The following DYM variants were observed in gnomAD, a reference collection of about 807,000 sequenced individuals.
DYM encodes dyggve-Melchior-Clausen syndrome protein.
DYM carries 78 observed loss-of-function variants against 93.1 expected under a neutral mutation model. The observed-to-expected ratio is 0.84, with a 90% CI of 0.70 to 1.01. The LOEUF (loss-of-function observed/expected upper bound fraction) is 1.01. Among genes scored for constraint, DYM ranks in the 50% least tolerant of loss-of-function variants. The pLI is 0.00. For missense variants in DYM, 789 were observed against 845.0 expected (o/e 0.93, Z 0.82); for synonymous variants, 321 against 319.7 (o/e 1.00, Z -0.04).
chr18:49,310,996 T>C (rs1555686987), intron 8 of DYM, among the ~76,000 whole-genome samples: 1 of 152,194 alleles, frequency 6.6e-6, no homozygotes, highest in Non-Finnish European at 1.5e-5. Context: ...AAATGATGAA[T>C]TAAGTATTTT....
chr18:49,354,663 C>T (rs993025125), intron 6 of DYM, among the ~76,000 whole-genome samples: 4 of 152,044 alleles, frequency 2.6e-5, no homozygotes, highest in African/African-American at 7.2e-5. Flanking sequence ...ACAGATGGCA[C>T]AAGCATATGA....
intron 15 of DYM, among the ~76,000 whole-genome samples, chr18:49,140,857 T>A (rs2084407184): frequency 6.6e-6 from 1 of 152,246 alleles, no homozygotes; most frequent in Non-Finnish European, 1.5e-5. Flanking sequence ...TAGCTACTTG[T>A]CAGTTTATAC....
chr18:49,103,473 A>C (rs1166434161), intron 16 of DYM, among the ~76,000 whole-genome samples: 1 of 152,216 alleles, frequency 6.6e-6, no homozygotes, highest in African/African-American at 2.4e-5. Flanking sequence ...TGTTTTAGAC[A>C]TGAAGTCCTT....
intron 16 of DYM, among the ~76,000 whole-genome samples, chr18:49,115,821 C>T (rs556913169): frequency 6.6e-6 from 1 of 152,174 alleles, no homozygotes; most frequent in African/African-American, 2.4e-5. Flanking sequence ...AGTCTCAAGA[C>T]TATAAAAGGC....
intron 8 of DYM, among the ~76,000 whole-genome samples, chr18:49,304,840 G>C (rs1202846853): frequency 1.3e-5 from 2 of 152,046 alleles, no homozygotes; most frequent in Admixed American, 1.3e-4. Flanking sequence ...CTACGTCCCT[G>C]CAGACAAGGC....
At chr18:49,447,629 C>G (rs750532402) in intron 1 of DYM, among the ~76,000 whole-genome samples, 31 of 152,008 alleles carry the variant, frequency 2.0e-4, no homozygotes, top group Non-Finnish European at 3.5e-4. Context: ...GGCGCTACCC[C>G]CTGGTGTTAT....
chr18:49,125,687 T>A (rs1400341817), intron 15 of DYM, among the ~76,000 whole-genome samples: 1 of 152,174 alleles, frequency 6.6e-6, no homozygotes, highest in African/African-American at 2.4e-5. Context: ...TAAAACACCC[T>A]CAGAAGATAC....
chr18:49,153,950 T>C (rs1600185663), intron 15 of DYM, among the ~76,000 whole-genome samples: 1 of 152,218 alleles, frequency 6.6e-6, no homozygotes, highest in Admixed American at 6.5e-5. Context: ...AACCCTGGCA[T>C]ACCTCACCTT....
chr18:49,313,964 A>C (rs1470764628), intron 8 of DYM, among the ~76,000 whole-genome samples: 1 of 152,110 alleles, frequency 6.6e-6, no homozygotes, highest in Non-Finnish European at 1.5e-5. Context: ...ATCACATGAA[A>C]AAAACACAAG....
chr18:49,279,475 A>C (rs1180278448), intron 10 of DYM, among the ~76,000 whole-genome samples: 3 of 152,234 alleles, frequency 2.0e-5, no homozygotes, highest in Non-Finnish European at 4.4e-5. Context: ...GTAAAAGGAC[A>C]GATGGAGCAT....
intron 16 of DYM, among the ~76,000 whole-genome samples, chr18:49,104,766 G>A (rs1206884377): frequency 6.6e-6 from 1 of 152,238 alleles, no homozygotes; most frequent in Non-Finnish European, 1.5e-5. Flanking sequence ...AAGCCCACTT[G>A]ATCATGGTGG....
At chr18:49,102,584 A>T (rs2080284849) in intron 16 of DYM, among the ~76,000 whole-genome samples, 1 of 151,986 alleles carries the variant, frequency 6.6e-6, no homozygotes, top group Admixed American at 6.5e-5. Flanking sequence ...ACCCCACAAC[A>T]GGCCCCAGTG....
chr18:49,081,199 T>G (rs1393115897), intron 17 of DYM, among the ~76,000 whole-genome samples: 1 of 149,938 alleles, frequency 6.7e-6, no homozygotes, highest in Non-Finnish European at 1.5e-5. Flanking sequence ...GCCAGTGCAC[T>G]CCAGCCTGGG....
intron 13 of DYM, among the ~76,000 whole-genome samples, chr18:49,221,295 T>G (rs36136838): frequency 0.077 from 11,616 of 151,594 alleles, 711 homozygotes; most frequent in East Asian, 0.3. Context: ...GGAACACTTT[T>G]ACACTGTTGG....
chr18:49,459,248 C>T (rs1430271426), intron 1 of DYM, among the ~76,000 whole-genome samples: 1 of 152,164 alleles, frequency 6.6e-6, no homozygotes, highest in Non-Finnish European at 1.5e-5. Context: ...AGTTTATGAG[C>T]TTAAGGCAGA....
At position 49,282,141 on chromosome 18, in the gene DYM, G is replaced by A. The variant is rs1157254595; in HGVS notation, c.981C>T (p.Ala327=). Residue 327 remains alanine (A), a synonymous_variant, in exon 10 of 18, where the codon GCC becomes GCT. Transcript: ENST00000675505. Reference sequence around the variant, plus strand: ...ACAAACTATTAAAGTTGATCTGGAAGGCATGTGGAATTGATGAGGGGAAAG... The same window carrying A: ...ACAAACTATTAAAGTTGATCTGGAAAGCATGTGGAATTGATGAGGGGAAAG... ...SSPFPSSIPH[A]FQINFNSLYT... 6.2e-7 allele frequency: 1 copy of A among 1,613,928 alleles called. No individual in the cohort carries two copies. Among genetic ancestry groups the A allele is most frequent in the South Asian group, 1.1e-5 (1 of 91,078 alleles).
intron 17 of DYM, among the ~76,000 whole-genome samples, chr18:49,092,914 C>T (rs528280150): frequency 1.3e-5 from 2 of 152,310 alleles, no homozygotes; most frequent in East Asian, 3.9e-4. Flanking sequence ...AAAAGCCTCA[C>T]TCCTCACTGG....
intron 6 of DYM, among the ~76,000 whole-genome samples, chr18:49,356,073 C>A (rs2065538666): frequency 6.6e-6 from 1 of 151,814 alleles, no homozygotes; most frequent in Non-Finnish European, 1.5e-5. Flanking sequence ...AGAAAATATT[C>A]AAATGTAATA....
intron 17 of DYM, among the ~76,000 whole-genome samples, chr18:49,080,859 G>C (rs1212959179): frequency 9.9e-5 from 15 of 151,550 alleles, no homozygotes; most frequent in Non-Finnish European, 1.8e-4. Context: ...TCACCTCCCA[G>C]ACGGGGTGGC....
Sources: allele counts gnomAD v4.1 joint callset (sites outside exome capture counted in the v4.1 genomes callset), GRCh38; gene constraint gnomAD v4.1.1; transcripts MANE v1.5; gene names NCBI Gene and HGNC (gene_info 2026-07-23, HGNC 2026-07-21).